The following NGEF variants were observed in gnomAD, a reference collection of about 807,000 sequenced individuals.
NGEF encodes ephexin-1.
In NGEF, 31 loss-of-function variants were observed where a neutral mutation model predicts 80.9. That is an observed-to-expected ratio of 0.38 (90% confidence interval 0.29 to 0.52). The LOEUF (loss-of-function observed/expected upper bound fraction) is 0.52, where lower values mean the gene tolerates loss of function less well. Among genes scored for constraint, NGEF ranks in the 20% least tolerant of loss-of-function variants. NGEF has a pLI of 0.84. For missense variants in NGEF, 709 were observed against 926.2 expected, an observed-to-expected ratio of 0.77 and a Z score of 3.04; for synonymous variants, 371 against 370.2, an observed-to-expected ratio of 1.00 and a Z score of -0.03.
intron 5 of NGEF, among the ~76,000 whole-genome samples, chr2:232,915,622 G>A (rs1389388783): frequency 6.6e-6 from 1 of 152,072 alleles, no homozygotes; most frequent in African/African-American, 2.4e-5. Flanking sequence ...TTCCTGCTGG[G>A]TCCCACTCCT....
chr2:232,943,535 G>A (rs560433751), intron 3 of NGEF, among the ~76,000 whole-genome samples: 14 of 134,456 alleles, frequency 1.0e-4, no homozygotes, highest in East Asian at 6.1e-4. Flanking sequence ...TCACTCTGTC[G>A]CCCAGGCTGG....
chr2:232,964,849 G>A (rs1559226960), intron 3 of NGEF, among the ~76,000 whole-genome samples: 2 of 152,244 alleles, frequency 1.3e-5, no homozygotes, highest in Admixed American at 6.5e-5. Context: ...GATGGTGATA[G>A]ATGTTAGAAG....
At chr2:232,905,067 T>TCCTCCCC (rs1553547719) in intron 5 of NGEF, among the ~76,000 whole-genome samples, 3 of 150,280 alleles carry the variant, frequency 2.0e-5, no homozygotes, top group African/African-American at 7.5e-5. Flanking sequence ...CTCTCCTCTC[T>TCCTCCCC]CCTCTCCCCT....
intron 1 of NGEF, chr2:233,012,672 C>G: frequency 2.8e-6 from 1 of 359,360 alleles, no homozygotes; most frequent in Non-Finnish European, 5.4e-6. Context: ...AGAAGGTGCC[C>G]CGGCTTGCTT....
chr2:232,924,972 T>G (rs1693030071), intron 4 of NGEF, among the ~76,000 whole-genome samples: 2 of 152,244 alleles, frequency 1.3e-5, no homozygotes, highest in African/African-American at 2.4e-5. Flanking sequence ...AAATTCAGAT[T>G]ACAAAACGAA....
intron 5 of NGEF, among the ~76,000 whole-genome samples, chr2:232,908,100 ACT>A (rs761987115): frequency 1.1e-4 from 17 of 152,210 alleles, no homozygotes; most frequent in Admixed American, 4.6e-4. Context: ...ACAGAGTGAG[ACT>A]CTGTCACAAA....
intron 8 of NGEF, among the ~76,000 whole-genome samples, chr2:232,888,458 G>A (rs1257758978): frequency 6.6e-6 from 1 of 151,928 alleles, no homozygotes; most frequent in African/African-American, 2.4e-5. Flanking sequence ...CACGATGCAT[G>A]CACACTTGCA....
intron 1 of NGEF, among the ~76,000 whole-genome samples, chr2:233,006,489 T>C (rs1695086089): frequency 1.3e-5 from 2 of 152,156 alleles, no homozygotes; most frequent in Non-Finnish European, 2.9e-5. Context: ...TATGAGGAGC[T>C]GGTTTGGTGA....
chr2:232,907,846 C>CA (rs1692604236), intron 5 of NGEF, among the ~76,000 whole-genome samples: 1 of 152,152 alleles, frequency 6.6e-6, no homozygotes, highest in Non-Finnish European at 1.5e-5. Flanking sequence ...CGGTGGCTCA[C>CA]ACCTGTAATC....
intron 4 of NGEF, among the ~76,000 whole-genome samples, chr2:232,923,001 C>T (rs1463021052): frequency 3.3e-5 from 5 of 151,676 alleles, no homozygotes; most frequent in Non-Finnish European, 5.9e-5. Context: ...ACCTGGGGGG[C>T]GGAGGTTGCA....
intron 1 of NGEF, among the ~76,000 whole-genome samples, chr2:233,011,334 C>T (rs1334762477): frequency 1.3e-5 from 2 of 152,106 alleles, no homozygotes; most frequent in African/African-American, 2.4e-5. Flanking sequence ...ACTCCTTACT[C>T]GGGAAGCAAT....
chr2:232,944,700 T>C (rs1693513938), intron 3 of NGEF, among the ~76,000 whole-genome samples: 1 of 142,258 alleles, frequency 7.0e-6, no homozygotes, highest in Non-Finnish European at 1.5e-5. Context: ...ACTTCCAGAG[T>C]TGGGCTAGGG....
chr2:232,881,387 G>T, intron 13 of NGEF, 137 bp from the exon 14 acceptor site: 1 of 652,330 alleles, frequency 1.5e-6, no homozygotes, highest in East Asian at 2.7e-5. Flanking sequence ...TGAGGAAGAG[G>T]AGGATTTGTT....
chr2:232,985,478 C>T (rs1047838740), intron 1 of NGEF, among the ~76,000 whole-genome samples: 7 of 152,006 alleles, frequency 4.6e-5, no homozygotes, highest in African/African-American at 1.2e-4. Context: ...TTAGGCCAGG[C>T]GCAGTGGCTC....
At chr2:232,981,148 C>T in intron 1 of NGEF, among the ~76,000 whole-genome samples, 1 of 104,942 alleles carries the variant, frequency 9.5e-6, no homozygotes, top group Non-Finnish European at 2.1e-5. Context: ...GCCTCCCAAG[C>T]ACCTGGAATT....
At chr2:232,920,765 T>C (rs530854507) in intron 4 of NGEF, among the ~76,000 whole-genome samples, 180 bp from the exon 5 acceptor site, 3 of 152,280 alleles carry the variant, frequency 2.0e-5, no homozygotes, top group South Asian at 2.1e-4. Flanking sequence ...TACACTGCCA[T>C]CGTCCTCATT....
rs1223305191 is a variant in NGEF, at chr2:232,992,989, G to A, written c.-74-18025C>T. ...GTGATAGAGCGAGACCCTGCCTGAA[G>A]TATATATATATATATACACACACAC... On this transcript the variant is annotated intron_variant, in intron 1 of 14. Transcript: ENST00000264051. 8.2e-5 allele frequency among the ~76,000 whole-genome samples: 10 copies of A among 121,308 alleles called. No homozygotes were observed. In the South Asian group the frequency reaches 1.4e-3, roughly 17 times the overall value. 79.6% of individuals were successfully genotyped at this position (121,308 alleles called of 152,430 possible).
intron 12 of NGEF, among the ~76,000 whole-genome samples, chr2:232,882,603 CCA>C (rs1691539949): frequency 1.3e-5 from 2 of 152,374 alleles, no homozygotes; most frequent in South Asian, 4.1e-4. Context: ...GCCACCAAAG[CCA>C]CAGTTTCTCA....
chr2:232,891,021 G>A, intron 8 of NGEF: 1 of 493,432 alleles, frequency 2.0e-6, no homozygotes, highest in Non-Finnish European at 4.1e-6. Flanking sequence ...CTCCCTGTCA[G>A]CCAGGTCTCA....
Sources: gnomAD v4.1 joint callset for allele counts (sites outside exome capture counted in the v4.1 genomes callset) on GRCh38, gnomAD v4.1.1 for gene constraint, MANE v1.5 for transcripts, NCBI Gene and HGNC (gene_info 2026-07-23, HGNC 2026-07-21) for gene names.